The following GPLD1 variants were observed in gnomAD, a reference collection of about 807,000 sequenced individuals.
GPLD1 encodes glycosylphosphatidylinositol specific phospholipase D1.
In GPLD1, 84 loss-of-function variants were observed where a neutral mutation model predicts 112.6. The ratio of observed to expected loss-of-function variants is 0.75; its 90% confidence interval spans 0.63 to 0.89. The LOEUF is 0.89. Ranked by LOEUF, GPLD1 falls within the 40% of genes least tolerant of loss-of-function variation. The probability of loss-of-function intolerance (pLI) is 0.00; values close to 1 mark genes in which losing one functional copy is unlikely to be tolerated. For missense variants in GPLD1, 1,044 were observed against 1,051.5 expected, an observed-to-expected ratio of 0.99 and a Z score of 0.10; for synonymous variants, 386 against 403.8, an observed-to-expected ratio of 0.96 and a Z score of 0.53.
chr6:24,475,587 G>A (rs181399955), intron 4 of GPLD1, among the ~76,000 whole-genome samples: 56 of 145,996 alleles, frequency 3.8e-4, no homozygotes, highest in African/African-American at 1.4e-3. Context: ...GCTCACCCCT[G>A]TAATCCCAGC....
intron 7 of GPLD1, among the ~76,000 whole-genome samples, chr6:24,470,125 G>GT (rs1011777772): frequency 1.5e-3 from 216 of 148,534 alleles, no homozygotes; most frequent in Non-Finnish European, 2.3e-3. Context: ...AACCTGGACG[G>GT]TTTTTTTTTT....
At chr6:24,483,496 T>C (rs1764270084) in intron 2 of GPLD1, among the ~76,000 whole-genome samples, 2 of 151,064 alleles carry the variant, frequency 1.3e-5, no homozygotes, top group Non-Finnish European at 2.9e-5. Flanking sequence ...CTGGGAAACA[T>C]GGTGAAACTG....
Position 24,436,662 on chromosome 6 carries a change from C to T in GPLD1, c.2272G>A (p.Val758Ile), listed in dbSNP as rs760323200. Residue 758 changes from valine to isoleucine, a missense_variant, in exon 22 of 25, where the codon GTA (valine) becomes ATA (isoleucine). Coordinates refer to ENST00000230036, the MANE Select transcript of GPLD1 (RefSeq NM_001503.4). ...GTCTCTTTGCCATTATATACATATA[C>T]TCGGCCGTCTTCTCCCCCAATCAGT... The part of the protein sequence containing the change: ...SGLIGGEDGR[V>I]YVYNGKETTL... The T allele has an allele frequency of 3.4e-5, 55 of 1,614,000 alleles. No homozygotes were observed. Among genetic ancestry groups the T allele is most frequent in the Middle Eastern group, 3.3e-4 (2 of 6,060 alleles).
At chr6:24,450,534 AAAT>A (rs529412836) in intron 14 of GPLD1, among the ~76,000 whole-genome samples, 15 of 152,148 alleles carry the variant, frequency 9.9e-5, no homozygotes, top group Admixed American at 2.0e-4. Flanking sequence ...AAAGTATCTA[AAAT>A]AATAATCATA....
intron 2 of GPLD1, among the ~76,000 whole-genome samples, chr6:24,484,275 G>C (rs1442886215): frequency 6.6e-6 from 1 of 150,470 alleles, no homozygotes; most frequent in African/African-American, 2.5e-5. Context: ...GCAGTGGTGT[G>C]ATCTCAGCTC....
rs544351387 is a variant in GPLD1 at position 24,443,767 on chromosome 6, T to C, written c.2020+1779A>G. Among the ~76,000 whole-genome samples the C allele has an allele frequency of 1.5e-3, 222 of 152,000 alleles. 1 individual carries two copies. The highest frequency in any genetic ancestry group is 5.3e-3 in the African/African-American group (220 of 41,454). ...CTCAGTGCAACCTCTGCCTCCAGGG[T>C]TCAAGCAATTGTTGTGGTTCAGGCT... On this transcript the variant is annotated intron_variant, in intron 20 of 24. Coordinates refer to ENST00000230036, the MANE Select transcript of GPLD1 (RefSeq NM_001503.4).
Position 24,437,243 on chromosome 6 carries a change from G to A in GPLD1, c.2067C>T (p.Gly689=), listed in dbSNP as rs371906847. 197 of 1,614,082 alleles carry A rather than the reference G, an allele frequency of 1.2e-4. No homozygotes were observed. Among genetic ancestry groups the A allele is most frequent in the East Asian group, 1.6e-4 (7 of 44,892 alleles). ...VAFLTVTLHQ[G]GATRMYALTS... Reference sequence around the variant, plus strand: ...TGAGTGCGTACATGCGAGTGGCTCCGCCTTGGTGTAGGGTCACGGTCAGGA... The same window carrying A: ...TGAGTGCGTACATGCGAGTGGCTCCACCTTGGTGTAGGGTCACGGTCAGGA... The change falls in exon 21 of 25, where the codon GGC becomes GGT. Residue 689 remains glycine (G), a synonymous_variant. Coordinates refer to ENST00000230036, the MANE Select transcript of GPLD1 (RefSeq NM_001503.4).
chr6:24,490,932 T>C (rs1764540777), upstream of GPLD1, among the ~76,000 whole-genome samples: 1 of 152,190 alleles, frequency 6.6e-6, no homozygotes, highest in African/African-American at 2.4e-5. Flanking sequence ...CCAGAGGCCA[T>C]ATGCCTACGT....
At chr6:24,436,829 C>G in intron 21 of GPLD1, 93 bp from the exon 22 acceptor site, 1 of 1,238,434 alleles carries the variant, frequency 8.1e-7, no homozygotes, top group East Asian at 2.3e-5. Flanking sequence ...CAACCTCTTA[C>G]AAATAATATT....
intron 22 of GPLD1, 127 bp downstream of exon 22, chr6:24,436,449 G>C (rs1449513889): frequency 1.3e-6 from 1 of 751,490 alleles, no homozygotes; most frequent in Non-Finnish European, 2.2e-6. Context: ...AACATGGACA[G>C]ATGATGGTGT....
intron 22 of GPLD1, among the ~76,000 whole-genome samples, chr6:24,434,643 G>C (rs113516844): frequency 0.065 from 9,904 of 151,538 alleles, 752 homozygotes; most frequent in African/African-American, 0.19. Context: ...CAAGACCATC[G>C]TGGCTAACAC....
At chr6:24,442,778 A>G (rs1437757230) in intron 20 of GPLD1, among the ~76,000 whole-genome samples, 1 of 151,850 alleles carries the variant, frequency 6.6e-6, no homozygotes, top group Non-Finnish European at 1.5e-5. Context: ...ACAGGGTCTC[A>G]CTGTGTTGCC....
In GPLD1 at chr6:24,427,601, T is replaced by G. The variant is rs999969166; in HGVS notation, c.*1431A>C. ...TGGCTCACACATGTAATCCCAGCACTTTGGGAGGTCAAGGTGGGTGGATCA... is the reference window on the plus strand; with the variant it reads ...TGGCTCACACATGTAATCCCAGCACGTTGGGAGGTCAAGGTGGGTGGATCA... On this transcript the variant is annotated 3_prime_UTR_variant, in exon 25 of 25. Coordinates refer to ENST00000230036, the MANE Select transcript of GPLD1 (RefSeq NM_001503.4). Among the ~76,000 whole-genome samples the G allele has an allele frequency of 6.6e-6, 1 of 152,064 alleles. No homozygotes were observed. Among genetic ancestry groups the G allele is most frequent in the East Asian group, 1.9e-4 (1 of 5,196 alleles).
intron 7 of GPLD1, among the ~76,000 whole-genome samples, chr6:24,468,823 C>T (rs373702624): frequency 1.5e-4 from 23 of 152,192 alleles, no homozygotes; most frequent in African/African-American, 4.8e-4. Flanking sequence ...GATTGATGTC[C>T]CAAGTCTCCC....
intron 6 of GPLD1, 38 bp downstream of exon 6, chr6:24,473,581 T>TAC: frequency 7.4e-7 from 1 of 1,352,424 alleles, no homozygotes; most frequent in Non-Finnish European, 1.1e-6. Flanking sequence ...AAGTGAACTA[T>TAC]ACCACGAGAA....
chr6:24,457,988 T>C (rs73727666), intron 12 of GPLD1, among the ~76,000 whole-genome samples: 9,132 of 151,656 alleles, frequency 0.06, 643 homozygotes, highest in African/African-American at 0.17. Context: ...ACCACAGAAT[T>C]TGGGGGACAA....
chr6:24,480,882 G>A (rs1308780967), intron 2 of GPLD1, among the ~76,000 whole-genome samples: 1 of 152,156 alleles, frequency 6.6e-6, no homozygotes, highest in African/African-American at 2.4e-5. Context: ...CGGCTAACAT[G>A]GAAGCATTTG....
At chr6:24,448,614 G>A (rs538619952) in intron 15 of GPLD1, among the ~76,000 whole-genome samples, 1 of 152,208 alleles carries the variant, frequency 6.6e-6, no homozygotes, top group South Asian at 2.1e-4. Context: ...CCTCCCTGAT[G>A]TCTTACTCAA....
intron 14 of GPLD1, 99 bp from the exon 15 acceptor site, chr6:24,449,998 C>A: frequency 4.1e-6 from 3 of 731,014 alleles, no homozygotes; most frequent in Middle Eastern, 2.5e-4. Flanking sequence ...CAACCCCCGC[C>A]CCCCGCCACC....
Sources: allele counts gnomAD v4.1 joint callset (sites outside exome capture counted in the v4.1 genomes callset), GRCh38; gene constraint gnomAD v4.1.1; transcripts MANE v1.5; gene names NCBI Gene and HGNC (gene_info 2026-07-23, HGNC 2026-07-21).